Variants in TACR3 observed in about 807,000 individuals in gnomAD.
TACR3 encodes the protein neuromedin-K receptor.
In TACR3, 34 loss-of-function variants were observed where a neutral mutation model predicts 35.0. The ratio of observed to expected loss-of-function variants is 0.97; its 90% CI spans 0.74 to 1.30. The LOEUF (loss-of-function observed/expected upper bound fraction) is 1.30, where lower values mean the gene tolerates loss of function less well. Among genes scored for constraint, TACR3 ranks in the 50% most tolerant of loss-of-function variants. The pLI, the probability that TACR3 is intolerant of heterozygous loss-of-function variation, is 0.00. For synonymous variants in TACR3, 233 were observed against 221.1 expected (o/e 1.05, Z -0.48); for missense variants, 558 against 591.7 (o/e 0.94, Z 0.59).
intron 3 of TACR3, among the ~76,000 whole-genome samples, chr4:103,629,845 C>CAA (rs1487546451): frequency 0.12 from 6,878 of 58,724 alleles, 297 homozygotes; most frequent in Middle Eastern, 0.16. Flanking sequence ...CAATCCTAAG[C>CAA]AAAACAAAAA....
chr4:103,612,097 T>A (rs1048231237), intron 3 of TACR3, among the ~76,000 whole-genome samples: 3 of 152,308 alleles, frequency 2.0e-5, no homozygotes, highest in African/African-American at 7.2e-5. Context: ...TCTTATTGTA[T>A]CTGAAATAAA....
At chr4:103,688,399 G>A (rs1470361502) in intron 1 of TACR3, among the ~76,000 whole-genome samples, 1 of 151,634 alleles carries the variant, frequency 6.6e-6, no homozygotes, top group Non-Finnish European at 1.5e-5. Flanking sequence ...TTGACAAATG[G>A]GATCTAATTA....
intron 1 of TACR3, among the ~76,000 whole-genome samples, chr4:103,666,207 G>A (rs772992235): frequency 8.5e-5 from 13 of 152,136 alleles, no homozygotes; most frequent in Non-Finnish European, 1.2e-4. Context: ...ATTAGACCTC[G>A]TCTTGGTTAT....
At chr4:103,592,466 TA>T (rs1480598874) in intron 3 of TACR3, among the ~76,000 whole-genome samples, 1 of 152,168 alleles carries the variant, frequency 6.6e-6, no homozygotes, top group African/African-American at 2.4e-5. Flanking sequence ...CCACTAGGCC[TA>T]AAATTCCTGA....
At chr4:103,664,145 G>A (rs192277530) in intron 1 of TACR3, among the ~76,000 whole-genome samples, 125 of 152,236 alleles carry the variant, frequency 8.2e-4, no homozygotes, top group African/African-American at 2.9e-3. Flanking sequence ...ATTCTCAGAA[G>A]CATCTATTGA....
At chr4:103,685,917 G>C (rs1195563390) in intron 1 of TACR3, among the ~76,000 whole-genome samples, 1 of 152,122 alleles carries the variant, frequency 6.6e-6, no homozygotes, top group East Asian at 1.9e-4. Flanking sequence ...AGAACTACTA[G>C]CTCTGCTGCC....
rs137874355 is a variant in TACR3 at position 103,691,780 on chromosome 4, GA to G, written c.548+27347del. On this transcript the variant is annotated intron_variant, in intron 1 of 4. Coordinates refer to ENST00000304883, the MANE Select transcript of TACR3 (RefSeq NM_001059.3). ...ATTCTTAAGCCACAAACAATAGCATGAGCGATCTGTGCCTTAAGGACATGCT... is the reference window on the plus strand; with the variant it reads ...ATTCTTAAGCCACAAACAATAGCATGGCGATCTGTGCCTTAAGGACATGCT... 2.5e-3 allele frequency among the ~76,000 whole-genome samples: 383 copies of G among 152,310 alleles called. 1 individual carries two copies. Among genetic ancestry groups the G allele is most frequent in the African/African-American group, 8.8e-3 (365 of 41,570 alleles).
At chr4:103,636,908 T>G (rs1325271841) in intron 3 of TACR3, among the ~76,000 whole-genome samples, 2 of 152,140 alleles carry the variant, frequency 1.3e-5, no homozygotes, top group African/African-American at 4.8e-5. Flanking sequence ...AATCTCTGAA[T>G]AGACCAATAA....
chr4:103,591,753 A>G (rs1723902784), intron 3 of TACR3, 70 bp from the exon 4 acceptor site: 9 of 1,427,592 alleles, frequency 6.3e-6, no homozygotes, highest in African/African-American at 1.4e-5. Flanking sequence ...ATTGCAAATC[A>G]TGCTTTTCTG....
intron 1 of TACR3, among the ~76,000 whole-genome samples, chr4:103,704,105 C>CAAAAAAAAAAAAAA (rs59034473): frequency 2.2e-4 from 14 of 64,612 alleles, no homozygotes; most frequent in South Asian, 9.3e-4. Flanking sequence ...CTCTATCTCA[C>CAAAAAAAAAAAAAA]AAAAAAAAAA....
chr4:103,591,195 T>G, intron 4 of TACR3: 1 of 441,370 alleles, frequency 2.3e-6, no homozygotes, highest in Non-Finnish European at 4.1e-6. Context: ...GGCACTTCTT[T>G]TTCTTTGGCA....
At chr4:103,638,425 A>T (rs1725250835) in intron 3 of TACR3, among the ~76,000 whole-genome samples, 1 of 152,018 alleles carries the variant, frequency 6.6e-6, no homozygotes, top group Non-Finnish European at 1.5e-5. Flanking sequence ...CTTACACCTT[A>T]TACAAAAATT....
At chr4:103,623,327 G>T (rs564590735) in intron 3 of TACR3, among the ~76,000 whole-genome samples, 7 of 152,036 alleles carry the variant, frequency 4.6e-5, no homozygotes, top group Non-Finnish European at 2.9e-5. Flanking sequence ...AGAGAGAAGA[G>T]AATCTGATTT....
At chr4:103,613,500 T>G (rs994323474) in intron 3 of TACR3, among the ~76,000 whole-genome samples, 1 of 151,858 alleles carries the variant, frequency 6.6e-6, no homozygotes, top group Non-Finnish European at 1.5e-5. Flanking sequence ...TTTTTTTTTT[T>G]GTACTATTGG....
intron 1 of TACR3, among the ~76,000 whole-genome samples, chr4:103,662,187 C>T (rs569876802): frequency 6.7e-6 from 1 of 149,318 alleles, no homozygotes; most frequent in East Asian, 2.0e-4. Flanking sequence ...GGAGAATGAA[C>T]AGCATGTGAA....
intron 1 of TACR3, among the ~76,000 whole-genome samples, chr4:103,662,434 G>A (rs1446832481): frequency 6.6e-6 from 1 of 152,032 alleles, no homozygotes. Context: ...TGGTTAGGCT[G>A]GTCTCGAATT....
intron 1 of TACR3, among the ~76,000 whole-genome samples, chr4:103,688,255 G>A (rs188808503): frequency 6.9e-4 from 105 of 152,248 alleles, no homozygotes; most frequent in Non-Finnish European, 1.4e-3. Context: ...ATTCAAGATG[G>A]ATTAAAGACT....
chr4:103,653,330 T>C (rs1032225111), intron 3 of TACR3, among the ~76,000 whole-genome samples: 1 of 152,118 alleles, frequency 6.6e-6, no homozygotes, highest in African/African-American at 2.4e-5. Context: ...AAAATCCCTC[T>C]TCCTTTTTGT....
Position 103,658,214 on chromosome 4 carries a change from C to T in TACR3, c.737+1G>A, listed in dbSNP as rs760022956. 21 of 1,613,486 alleles carry T rather than the reference C, an allele frequency of 1.3e-5. No homozygotes were observed. The East Asian group carries it at 1.3e-4, about 10-fold the overall frequency. The stretch of plus-strand genomic sequence containing the variant: ...AAAACCATAATAGAGAATTAACTTA[C>T]GTGAAATGTTGTTTGGGACCTTCTG... On this transcript the variant is annotated splice_donor_variant, in intron 2 of 4. Coordinates refer to ENST00000304883, the MANE Select transcript of TACR3 (RefSeq NM_001059.3). LOFTEE classifies it high-confidence loss of function.
Sources: gnomAD v4.1 joint callset for allele counts (sites outside exome capture counted in the v4.1 genomes callset) on GRCh38, gnomAD v4.1.1 for gene constraint, MANE v1.5 for transcripts, NCBI Gene and HGNC (gene_info 2026-07-23, HGNC 2026-07-21) for gene names.